The following PCDH15 variants were observed in gnomAD, a reference collection of about 807,000 sequenced individuals.
PCDH15 encodes the protein protocadherin-15.
Under a neutral mutation model 178.5 loss-of-function variants are expected in PCDH15, and 129 were observed. The observed-to-expected ratio is 0.72, with a 90% CI of 0.63 to 0.84. The LOEUF is 0.84. PCDH15 is among the 40% of genes least tolerant of loss of function. The pLI, the probability that PCDH15 is intolerant of heterozygous loss-of-function variation, is 0.00. For synonymous variants in PCDH15, 800 were observed against 732.0 expected, an observed-to-expected ratio of 1.09 and a Z score of -1.50; for missense variants, 2,230 against 2,099.9, an observed-to-expected ratio of 1.06 and a Z score of -1.21.
intron 2 of PCDH15, among the ~76,000 whole-genome samples, chr10:55,391,614 G>T (rs1303466946): frequency 1.3e-5 from 2 of 151,982 alleles, no homozygotes; most frequent in Non-Finnish European, 2.9e-5. Context: ...AGCCTCCTGA[G>T]TAGTGGGGAT....
chr10:53,808,707 G>A lies in PCDH15; in HGVS notation c.4672-1577C>T, dbSNP rs373275867. 42 of 1,612,672 alleles carry A rather than the reference G, an allele frequency of 2.6e-5. No individual in the cohort carries two copies. The highest frequency in any genetic ancestry group is 2.0e-4 in the Admixed American group (12 of 59,822). On this transcript the variant is annotated intron_variant, in intron 37 of 37. Transcript: ENST00000644397. ...GTGATCTCTTTCAAAGTGCTGTGTT[G>A]TAACCTTCAGAGTTTGCTCCTGGCG...
At chr10:54,100,881 G>A (rs1451593962) in intron 15 of PCDH15, among the ~76,000 whole-genome samples, 10 of 151,928 alleles carry the variant, frequency 6.6e-5, no homozygotes, top group African/African-American at 1.7e-4. Context: ...TCATCTGCAA[G>A]GTTACATGTA....
chr10:53,986,817 A>C (rs2091133858), intron 21 of PCDH15, among the ~76,000 whole-genome samples: 3 of 152,196 alleles, frequency 2.0e-5, no homozygotes, highest in Non-Finnish European at 1.5e-5. Context: ...GCTAAGGGAA[A>C]GGGGAAATAG....
At chr10:54,981,474 GT>G (rs1405290975) in intron 2 of PCDH15, among the ~76,000 whole-genome samples, 1 of 152,094 alleles carries the variant, frequency 6.6e-6, no homozygotes, top group East Asian at 1.9e-4. Flanking sequence ...ATAACTACTG[GT>G]TAGTTAACAC....
chr10:54,206,107 G>A (rs1189213816), intron 10 of PCDH15, among the ~76,000 whole-genome samples: 1 of 152,076 alleles, frequency 6.6e-6, no homozygotes, highest in Non-Finnish European at 1.5e-5. Flanking sequence ...TTCACTTCAA[G>A]TAAGAATATG....
At chr10:55,244,572 TAC>T (rs779150750) in intron 1 of PCDH15, among the ~76,000 whole-genome samples, 33 of 131,020 alleles carry the variant, frequency 2.5e-4, no homozygotes, top group South Asian at 9.7e-4. Context: ...ACTGAACTTA[TAC>T]ACACACACAC....
At chr10:55,041,427 A>G (rs911169311) in intron 2 of PCDH15, among the ~76,000 whole-genome samples, 2 of 152,182 alleles carry the variant, frequency 1.3e-5, no homozygotes, top group African/African-American at 4.8e-5. Flanking sequence ...TTCTTACTCC[A>G]AATACAACTG....
chr10:54,765,383 A>T (rs1948384472), intron 1 of PCDH15, among the ~76,000 whole-genome samples: 2 of 152,154 alleles, frequency 1.3e-5, no homozygotes, highest in Non-Finnish European at 2.9e-5. Flanking sequence ...ATCTTAAAAG[A>T]TGAAAAAAGT....
At chr10:55,420,023 T>C (rs1293904487) in intron 2 of PCDH15, among the ~76,000 whole-genome samples, 1 of 151,724 alleles carries the variant, frequency 6.6e-6, no homozygotes, top group Non-Finnish European at 1.5e-5. Context: ...TTGTTAAACA[T>C]TTATTTAACT....
intron 1 of PCDH15, among the ~76,000 whole-genome samples, chr10:54,754,727 G>A (rs1024552407): frequency 1.1e-4 from 17 of 151,704 alleles, no homozygotes; most frequent in African/African-American, 3.6e-4. Context: ...GCTTTTTTCA[G>A]AATGCATTAT....
intron 1 of PCDH15, among the ~76,000 whole-genome samples, chr10:54,709,941 GTA>G (rs140527407): frequency 0.12 from 17,982 of 147,906 alleles, 1,207 homozygotes; most frequent in African/African-American, 0.17. Context: ...ACACCTTTAT[GTA>G]TATATATATT....
At chr10:54,402,828 G>A (rs1952105569) in intron 3 of PCDH15, among the ~76,000 whole-genome samples, 1 of 151,834 alleles carries the variant, frequency 6.6e-6, no homozygotes, top group Admixed American at 6.6e-5. Context: ...TCAGGCCTCT[G>A]TATTCCTTAA....
intron 1 of PCDH15, among the ~76,000 whole-genome samples, chr10:54,787,824 C>G (rs149699249): frequency 1.3e-4 from 20 of 152,090 alleles, no homozygotes; most frequent in African/African-American, 4.8e-4. Flanking sequence ...AAGCTTGTAG[C>G]AAGCCAGTTA....
At chr10:54,808,636 AT>A (rs1952814769) in intron 3 of PCDH15, among the ~76,000 whole-genome samples, 1 of 152,220 alleles carries the variant, frequency 6.6e-6, no homozygotes, top group Non-Finnish European at 1.5e-5. Context: ...TAGTTCCAAA[AT>A]GTATAAAATT....
chr10:55,449,291 C>A (rs1471213355), intron 2 of PCDH15, among the ~76,000 whole-genome samples: 1 of 151,980 alleles, frequency 6.6e-6, no homozygotes, highest in Non-Finnish European at 1.5e-5. Context: ...CTTTAGGATT[C>A]TTTTTACTAT....
chr10:54,037,388 A>G (rs1409926700), intron 18 of PCDH15, among the ~76,000 whole-genome samples: 1 of 151,910 alleles, frequency 6.6e-6, no homozygotes, highest in Non-Finnish European at 1.5e-5. Context: ...AGCCATCCCA[A>G]CTTCAGCAAC....
chr10:54,251,971 CCT>C (rs2056514709), intron 8 of PCDH15, among the ~76,000 whole-genome samples: 5 of 152,010 alleles, frequency 3.3e-5, no homozygotes, highest in African/African-American at 1.2e-4. Context: ...TATGCTCCCC[CCT>C]GCCTTTTTAT....
chr10:54,378,039 C>T (rs1482668708), intron 4 of PCDH15, among the ~76,000 whole-genome samples: 2 of 151,964 alleles, frequency 1.3e-5, no homozygotes, highest in Non-Finnish European at 2.9e-5. Context: ...ATCCTCCCAC[C>T]ACAGTCTGCA....
chr10:54,288,788 CG>C (rs2059200678), intron 8 of PCDH15, among the ~76,000 whole-genome samples: 2 of 152,180 alleles, frequency 1.3e-5, no homozygotes, highest in Admixed American at 1.3e-4. Context: ...GATTGAACTG[CG>C]GGGCAGCAGC....
Sources: gnomAD v4.1 joint callset for allele counts (sites outside exome capture counted in the v4.1 genomes callset) on GRCh38, gnomAD v4.1.1 for gene constraint, MANE v1.5 for transcripts, NCBI Gene and HGNC (gene_info 2026-07-23, HGNC 2026-07-21) for gene names.